Variants in TENM4 observed in about 807,000 individuals in gnomAD.
TENM4 encodes the protein teneurin transmembrane protein 4, also known as teneurin-4.
Under a neutral mutation model 243.3 loss-of-function variants are expected in TENM4, and 82 were observed. The ratio of observed to expected loss-of-function variants is 0.34; its 90% CI spans 0.28 to 0.40. TENM4 has a LOEUF of 0.40. TENM4 is among the 10% of genes least tolerant of loss of function. The pLI is 1.00. For missense variants in TENM4, 3,138 were observed against 3,673.3 expected (o/e 0.85, Z 3.77); for synonymous variants, 1,412 against 1,456.3 (o/e 0.97, Z 0.69).
intron 1 of TENM4, among the ~76,000 whole-genome samples, chr11:79,337,953 T>C (rs1444145506): frequency 2.0e-5 from 3 of 152,218 alleles, no homozygotes; most frequent in African/African-American, 7.2e-5. Flanking sequence ...CCATGGCCCC[T>C]CACTGCTTTT....
chr11:78,691,072 C>G (rs1286562661), intron 28 of TENM4, among the ~76,000 whole-genome samples: 1 of 152,218 alleles, frequency 6.6e-6, no homozygotes, highest in East Asian at 1.9e-4. Context: ...AATGCCACCT[C>G]CTAAAGCCCT....
chr11:79,230,871 C>A (rs1236785785), intron 2 of TENM4, among the ~76,000 whole-genome samples: 1 of 152,138 alleles, frequency 6.6e-6, no homozygotes, highest in Non-Finnish European at 1.5e-5. Context: ...TATAAGCCAA[C>A]CACATGTTTA....
intron 1 of TENM4, among the ~76,000 whole-genome samples, chr11:79,313,423 C>G (rs1856753484): frequency 6.6e-6 from 1 of 152,172 alleles, no homozygotes; most frequent in East Asian, 1.9e-4. Context: ...AAAGGATAAG[C>G]CTTTGCTAAA....
intron 6 of TENM4, among the ~76,000 whole-genome samples, chr11:79,032,334 G>A (rs752806819): frequency 1.5e-4 from 23 of 152,088 alleles, no homozygotes; most frequent in African/African-American, 4.3e-4. Context: ...TGTAGACCTC[G>A]AAGGGTCCAT....
At chr11:78,715,028 T>C (rs1859491066) in intron 25 of TENM4, among the ~76,000 whole-genome samples, 1 of 152,240 alleles carries the variant, frequency 6.6e-6, no homozygotes, top group African/African-American at 2.4e-5. Context: ...TTCTAGCCCA[T>C]GGCAGCCACT....
intron 15 of TENM4, among the ~76,000 whole-genome samples, chr11:78,789,111 C>T (rs1164715216): frequency 6.6e-6 from 1 of 152,150 alleles, no homozygotes; most frequent in Non-Finnish European, 1.5e-5. Flanking sequence ...ATCCCGGGTA[C>T]CAAGCACAGA....
chr11:79,298,372 G>A (rs1465784005), intron 1 of TENM4, among the ~76,000 whole-genome samples: 2 of 151,146 alleles, frequency 1.3e-5, no homozygotes, highest in Non-Finnish European at 3.0e-5. Flanking sequence ...AAAATTAGCC[G>A]GGCGCGGTGG....
Position 78,778,508 on chromosome 11 carries a change from G to A in TENM4, c.2392+94C>T, listed in dbSNP as rs1856780974. On this transcript the variant is annotated intron_variant, in intron 17 of 33. Transcript: ENST00000278550. ...CTTCCAGACATCATGCTTATGTGGT[G>A]TATATACATTTTTATATACACATTT... 3.8e-6 allele frequency: 5 copies of A among 1,316,938 alleles called. No homozygotes were observed. The South Asian group carries it at 3.9e-5, about 10-fold the overall frequency. The allele number at this position is 1,316,938 out of a possible 1,614,324, so 81.6% of individuals were successfully genotyped here.
chr11:79,010,500 G>C (rs979019557), intron 6 of TENM4, among the ~76,000 whole-genome samples: 15 of 152,076 alleles, frequency 9.9e-5, no homozygotes, highest in African/African-American at 3.6e-4. Context: ...CCAAGACTGG[G>C]TAACTTATAA....
intron 3 of TENM4, among the ~76,000 whole-genome samples, chr11:79,205,202 C>T (rs1342658095): frequency 1.3e-5 from 2 of 152,088 alleles, no homozygotes; most frequent in Non-Finnish European, 2.9e-5. Context: ...TTTTAAGAAA[C>T]AAGAGAGAGG....
At chr11:79,338,244 T>A (rs376832542) in intron 1 of TENM4, among the ~76,000 whole-genome samples, 1 of 152,244 alleles carries the variant, frequency 6.6e-6, no homozygotes, top group African/African-American at 2.4e-5. Flanking sequence ...GAGGTTTGCA[T>A]GTCCTCACCT....
intron 6 of TENM4, among the ~76,000 whole-genome samples, chr11:78,938,447 C>T (rs975369098): frequency 6.6e-6 from 1 of 152,182 alleles, no homozygotes. Flanking sequence ...TTCTTCTCTG[C>T]ATTCCTCCTA....
chr11:79,096,911 CACAT>C (rs1210134533), intron 4 of TENM4: 3 of 139,750 alleles, frequency 2.1e-5, no homozygotes, highest in Non-Finnish European at 4.6e-5. Flanking sequence ...GGCATGCACG[CACAT>C]GCGCGCGCGC....
chr11:79,012,808 A>C (rs879731645), intron 6 of TENM4, among the ~76,000 whole-genome samples: 53 of 152,122 alleles, frequency 3.5e-4, no homozygotes, highest in Non-Finnish European at 6.9e-4. Context: ...GACCTTTCCC[A>C]GCTCCCCTGG....
chr11:79,309,382 G>A (rs1856681668), intron 1 of TENM4, among the ~76,000 whole-genome samples: 4 of 152,270 alleles, frequency 2.6e-5, no homozygotes, highest in Middle Eastern at 6.8e-3. Context: ...TGGCCCTGGA[G>A]GTCAGATGGG....
intron 31 of TENM4, among the ~76,000 whole-genome samples, chr11:78,670,914 G>A (rs967380704): frequency 1.8e-4 from 28 of 152,202 alleles, no homozygotes; most frequent in Admixed American, 5.2e-4. Context: ...ACTTTTGTGC[G>A]TGGTGGGGTG....
chr11:79,053,783 T>G (rs994893256), intron 6 of TENM4, among the ~76,000 whole-genome samples: 2 of 152,202 alleles, frequency 1.3e-5, no homozygotes, highest in African/African-American at 4.8e-5. Flanking sequence ...CTGGGCTTCA[T>G]GTATCAAACC....
At chr11:78,837,677 T>C (rs956049385) in intron 12 of TENM4, among the ~76,000 whole-genome samples, 3 of 152,214 alleles carry the variant, frequency 2.0e-5, no homozygotes, top group Non-Finnish European at 2.9e-5. Context: ...CCTCTAAATA[T>C]GTGGATTAGG....
intron 20 of TENM4, among the ~76,000 whole-genome samples, chr11:78,732,844 A>C (rs1467057654): frequency 6.6e-6 from 1 of 152,166 alleles, no homozygotes. Context: ...TTCAGGATAC[A>C]CAAGAGCTGA....
Sources: allele counts gnomAD v4.1 joint callset (sites outside exome capture counted in the v4.1 genomes callset), GRCh38; gene constraint gnomAD v4.1.1; transcripts MANE v1.5; gene names NCBI Gene and HGNC (gene_info 2026-07-23, HGNC 2026-07-21).